Variants in ADORA2B observed in about 807,000 individuals in gnomAD.
ADORA2B encodes the protein adenosine receptor A2b.
A neutral mutation model predicts 20.8 loss-of-function variants in ADORA2B; 18 were observed. The observed-to-expected ratio is 0.87, with a 90% CI of 0.60 to 1.29. The LOEUF (loss-of-function observed/expected upper bound fraction) is 1.29. Among genes scored for constraint, ADORA2B ranks in the 50% most tolerant of loss-of-function variants. ADORA2B has a pLI of 0.00. For missense variants in ADORA2B, 441 were observed against 422.7 expected, an observed-to-expected ratio of 1.04 and a Z score of -0.38; for synonymous variants, 179 against 178.3, an observed-to-expected ratio of 1.00 and a Z score of -0.03.
chr17:15,884,940 A>G, the ADORA2B span, among the ~76,000 whole-genome samples: 1 of 152,334 alleles, frequency 6.6e-6, no homozygotes, highest in African/African-American at 2.4e-5. Flanking sequence ...ATGCCCAGAA[A>G]TGAGATTGCT....
chr17:15,911,844 G>C, the ADORA2B span, among the ~76,000 whole-genome samples: 2 of 152,140 alleles, frequency 1.3e-5, no homozygotes, highest in Non-Finnish European at 2.9e-5. Context: ...CAGGAGGACT[G>C]CTTCAGCCCA....
the ADORA2B span, among the ~76,000 whole-genome samples, chr17:15,935,548 C>T: frequency 6.6e-6 from 1 of 150,718 alleles, no homozygotes; most frequent in African/African-American, 2.4e-5. Flanking sequence ...TGATTTTATT[C>T]CACTTAGAGT....
the ADORA2B span, among the ~76,000 whole-genome samples, chr17:15,904,138 A>G: frequency 7.2e-6 from 1 of 139,106 alleles, no homozygotes; most frequent in African/African-American, 3.2e-5. Context: ...CTTTTAAAAA[A>G]TTATTTATTA....
the ADORA2B span, among the ~76,000 whole-genome samples, chr17:15,933,246 C>T: frequency 6.6e-6 from 1 of 152,142 alleles, no homozygotes; most frequent in Admixed American, 6.5e-5. Context: ...TGAGCCACTG[C>T]GCCTGGCCTT....
the ADORA2B span, among the ~76,000 whole-genome samples, chr17:15,881,513 C>CAGAAA: frequency 6.6e-6 from 1 of 152,202 alleles, no homozygotes; most frequent in South Asian, 2.1e-4. Context: ...GCAGTCATCA[C>CAGAAA]TACTTTCTAT....
chr17:15,971,912 C>A (rs1020750808), intron 1 of ADORA2B, among the ~76,000 whole-genome samples: 2 of 152,138 alleles, frequency 1.3e-5, no homozygotes, highest in Non-Finnish European at 2.9e-5. Context: ...GGATTATAGG[C>A]ATGAGCCACC....
At chr17:15,904,014 G>T in the ADORA2B span, among the ~76,000 whole-genome samples, 1 of 151,572 alleles carries the variant, frequency 6.6e-6, no homozygotes, top group Admixed American at 6.6e-5. Flanking sequence ...AATTTTTTTT[G>T]TGTATTCTGG....
chr17:15,860,421 G>T, the ADORA2B span, among the ~76,000 whole-genome samples: 1,800 of 150,804 alleles, frequency 0.012, 31 homozygotes, highest in African/African-American at 0.043. Flanking sequence ...CTTGCCTGCC[G>T]CTGCCTGTGA....
At chr17:15,896,363 T>C in the ADORA2B span, among the ~76,000 whole-genome samples, 19 of 152,102 alleles carry the variant, frequency 1.2e-4, no homozygotes. Context: ...AAGGAAGGAA[T>C]GATTCTATTT....
the ADORA2B span, among the ~76,000 whole-genome samples, chr17:15,869,848 G>A: frequency 1.3e-5 from 2 of 152,172 alleles, no homozygotes; most frequent in Non-Finnish European, 2.9e-5. Context: ...CCCTTAGCCT[G>A]AATTGCATAT....
chr17:15,881,667 G>T, the ADORA2B span, among the ~76,000 whole-genome samples: 1 of 152,216 alleles, frequency 6.6e-6, no homozygotes, highest in Non-Finnish European at 1.5e-5. Context: ...CATAGACGTG[G>T]ACTCACACCG....
intron 1 of ADORA2B, among the ~76,000 whole-genome samples, chr17:15,946,410 G>A (rs73274397): frequency 2.0e-5 from 3 of 152,222 alleles, no homozygotes; most frequent in African/African-American, 4.8e-5. Context: ...GTCAGCCAGC[G>A]ACCAGAGTGG....
chr17:15,953,573 C>G (rs79990008), intron 1 of ADORA2B, among the ~76,000 whole-genome samples: 8,381 of 152,320 alleles, frequency 0.055, 307 homozygotes, highest in Middle Eastern at 0.11. Context: ...GCCTTCTCCC[C>G]TATGCCCCAC....
At chr17:15,902,339 G>C in the ADORA2B span, among the ~76,000 whole-genome samples, 1 of 152,056 alleles carries the variant, frequency 6.6e-6, no homozygotes, top group Admixed American at 6.6e-5. Flanking sequence ...AGCCTCCTGG[G>C]ATTACAGGCC....
the ADORA2B span, among the ~76,000 whole-genome samples, chr17:15,878,142 C>T: frequency 4.2e-4 from 63 of 151,192 alleles, no homozygotes; most frequent in African/African-American, 1.5e-3. Flanking sequence ...TCATATCTGT[C>T]ACAGAGGTTC....
At chr17:15,893,270 C>G in the ADORA2B span, among the ~76,000 whole-genome samples, 2 of 152,172 alleles carry the variant, frequency 1.3e-5, no homozygotes, top group Admixed American at 1.3e-4. Flanking sequence ...CCATATCCTA[C>G]TGAGAAATAT....
chr17:15,851,382 G>T, the ADORA2B span, among the ~76,000 whole-genome samples: 1 of 149,880 alleles, frequency 6.7e-6, no homozygotes, highest in Non-Finnish European at 1.5e-5. Flanking sequence ...GTAGGTACAT[G>T]CCCAGGTCCA....
intron 1 of ADORA2B, among the ~76,000 whole-genome samples, chr17:15,947,662 C>A (rs1969826686): frequency 6.6e-6 from 1 of 152,232 alleles, no homozygotes; most frequent in African/African-American, 2.4e-5. Flanking sequence ...ACCACCCCAA[C>A]CCTGGTGGGT....
chr17:15,965,351 G>A (rs1274347930), intron 1 of ADORA2B, among the ~76,000 whole-genome samples: 1 of 152,160 alleles, frequency 6.6e-6, no homozygotes, highest in Non-Finnish European at 1.5e-5. Flanking sequence ...GGCAGTGTTA[G>A]GTGTTTTGGA....
Sources: allele counts gnomAD v4.1 joint callset (sites outside exome capture counted in the v4.1 genomes callset), GRCh38; gene constraint gnomAD v4.1.1; transcripts MANE v1.5; gene names NCBI Gene and HGNC (gene_info 2026-07-23, HGNC 2026-07-21).